Variants in CDH13 observed in about 807,000 individuals in gnomAD.
CDH13 encodes the protein cadherin-13.
Under a neutral mutation model 63.8 loss-of-function variants are expected in CDH13, and 24 were observed. The observed-to-expected ratio is 0.38, with a 90% CI of 0.27 to 0.53. The LOEUF (loss-of-function observed/expected upper bound fraction) is 0.53. CDH13 is among the 20% of genes least tolerant of loss of function. CDH13 has a pLI of 0.85. For missense variants in CDH13, 1,049 were observed against 903.1 expected (o/e 1.16, Z -2.07); for synonymous variants, 503 against 355.3 (o/e 1.42, Z -4.67).
At chr16:82,817,916 C>T (rs1217119920) in intron 1 of CDH13, among the ~76,000 whole-genome samples, 1 of 151,680 alleles carries the variant, frequency 6.6e-6, no homozygotes, top group Non-Finnish European at 1.5e-5. Flanking sequence ...CATACATGCA[C>T]ATATGCACAC....
intron 1 of CDH13, among the ~76,000 whole-genome samples, chr16:82,788,149 C>A (rs959871210): frequency 6.6e-6 from 1 of 152,164 alleles, no homozygotes; most frequent in Non-Finnish European, 1.5e-5. Context: ...AGGAATGCAT[C>A]TAGGAACCAA....
At chr16:83,446,424 T>A (rs1216893376) in intron 6 of CDH13, among the ~76,000 whole-genome samples, 1 of 152,194 alleles carries the variant, frequency 6.6e-6, no homozygotes, top group African/African-American at 2.4e-5. Flanking sequence ...AGTTGCTTAA[T>A]GAGATCGGTT....
intron 1 of CDH13, among the ~76,000 whole-genome samples, chr16:82,784,219 G>A (rs1162552454): frequency 5.3e-5 from 8 of 152,174 alleles, no homozygotes; most frequent in Non-Finnish European, 1.0e-4. Flanking sequence ...AGGCTGATGG[G>A]TGACCCTGCC....
At chr16:82,794,306 C>G (rs1192619446) in intron 1 of CDH13, among the ~76,000 whole-genome samples, 1 of 149,940 alleles carries the variant, frequency 6.7e-6, no homozygotes. Context: ...TAAATCCTCT[C>G]TACAAACTCG....
chr16:82,698,640 G>C (rs1436078784), intron 1 of CDH13, among the ~76,000 whole-genome samples: 1 of 152,234 alleles, frequency 6.6e-6, no homozygotes, highest in African/African-American at 2.4e-5. Context: ...TGATTTTCAA[G>C]CCTGTTCAGC....
intron 7 of CDH13, among the ~76,000 whole-genome samples, chr16:83,569,242 A>G (rs190965996): frequency 1.3e-5 from 2 of 152,118 alleles, no homozygotes; most frequent in Admixed American, 1.3e-4. Context: ...ACTCAGCTTA[A>G]ATGTCCCCAC....
chr16:83,326,641 G>A (rs1052289246), intron 5 of CDH13, among the ~76,000 whole-genome samples: 3 of 152,106 alleles, frequency 2.0e-5, no homozygotes, highest in Non-Finnish European at 4.4e-5. Context: ...CACAATCTAG[G>A]TGGTGGGTAG....
intron 2 of CDH13, among the ~76,000 whole-genome samples, chr16:82,987,146 A>G (rs927670960): frequency 1.3e-5 from 2 of 152,166 alleles, no homozygotes; most frequent in Non-Finnish European, 2.9e-5. Context: ...TTTTCCCAGA[A>G]GTAGCCTCCA....
At chr16:83,334,281 C>T (rs908889425) in intron 5 of CDH13, among the ~76,000 whole-genome samples, 3 of 151,088 alleles carry the variant, frequency 2.0e-5, no homozygotes, top group African/African-American at 4.9e-5. Flanking sequence ...TTTCTTCCTC[C>T]TTTCTCTCTC....
rs2073896059 is a variant in CDH13, at chr16:83,486,587, A to G, written c.892A>G (p.Met298Val). The G allele has an allele frequency of 1.9e-6, 3 of 1,613,918 alleles. No individual in the cohort carries two copies. The highest frequency in any genetic ancestry group is 2.2e-5 in the East Asian group (1 of 44,864). ...QQTPDKPSPN[M>V]FYIDPEKGDI... The stretch of plus-strand genomic sequence containing the variant: ...GACGCCTGACAAGCCATCTCCCAAC[A>G]TGTTCTACATCGATCCTGAGAAAGG... The change falls in exon 7 of 14, where the codon ATG becomes GTG. Residue 298 changes from methionine to valine, a missense_variant. Transcript: ENST00000567109.
chr16:82,773,877 G>C (rs529840540), intron 1 of CDH13, among the ~76,000 whole-genome samples: 1 of 151,522 alleles, frequency 6.6e-6, no homozygotes, highest in Non-Finnish European at 1.5e-5. Context: ...TCCGCCTCCC[G>C]GGTTCAAGCA....
In CDH13 at chr16:82,832,089, C is replaced by A. The variant is rs543306914; in HGVS notation, c.46-26273C>A. 7.9e-5 allele frequency among the ~76,000 whole-genome samples: 12 copies of A among 152,248 alleles called. No individual in the cohort carries two copies. In the South Asian group the frequency reaches 2.5e-3, roughly 32 times the overall value. On this transcript the variant is annotated intron_variant, in intron 1 of 13. Coordinates refer to ENST00000567109, the MANE Select transcript of CDH13 (RefSeq NM_001257.5). ...CTGTGTGACCCTTATCTTATAATTA[C>A]CTCTTCTTTAAAAGCAGAATGAAAT... is the stretch of plus-strand genomic sequence containing the variant.
intron 11 of CDH13, among the ~76,000 whole-genome samples, chr16:83,763,238 A>C (rs1914118471): frequency 6.6e-6 from 1 of 152,216 alleles, no homozygotes; most frequent in Non-Finnish European, 1.5e-5. Flanking sequence ...ATATAGAACC[A>C]GGCATAACAG....
chr16:83,276,578 G>T (rs758629295), intron 5 of CDH13, among the ~76,000 whole-genome samples: 1 of 152,146 alleles, frequency 6.6e-6, no homozygotes, highest in South Asian at 2.1e-4. Context: ...ACAAGAGCAT[G>T]TCACATCTTG....
rs375654008 is a variant in CDH13, at chr16:83,236,844, G to C, written c.636+19347G>C. On this transcript the variant is annotated intron_variant, in intron 5 of 13. Transcript: ENST00000567109. ...GGAAGGAGGGCCTACTTATAGGTCTGGGTTTCCCTTTGAAGTCATGGAAAT... is the reference window on the plus strand; with the variant it reads ...GGAAGGAGGGCCTACTTATAGGTCTCGGTTTCCCTTTGAAGTCATGGAAAT... Among the ~76,000 whole-genome samples the C allele has an allele frequency of 1.2e-3, 185 of 152,224 alleles. 1 individual carries two copies. Among genetic ancestry groups the C allele is most frequent in the African/African-American group, 4.2e-3 (175 of 41,542 alleles).
intron 1 of CDH13, among the ~76,000 whole-genome samples, chr16:82,718,605 A>T (rs1021564516): frequency 6.6e-6 from 1 of 152,200 alleles, no homozygotes; most frequent in African/African-American, 2.4e-5. Flanking sequence ...GGCAATTTAC[A>T]AAAGAGGTTT....
intron 7 of CDH13, among the ~76,000 whole-genome samples, chr16:83,569,052 C>G (rs1335104892): frequency 3.3e-5 from 5 of 152,122 alleles, no homozygotes; most frequent in Non-Finnish European, 5.9e-5. Context: ...TCCCAAACCA[C>G]TGTCTGGCCT....
At chr16:83,723,719 T>G (rs1013337044) in intron 10 of CDH13, among the ~76,000 whole-genome samples, 2 of 152,260 alleles carry the variant, frequency 1.3e-5, no homozygotes, top group African/African-American at 2.4e-5. Context: ...TCCCTTCCTC[T>G]TGTAGAACAG....
chr16:83,445,695 C>A (rs558414934), intron 6 of CDH13, among the ~76,000 whole-genome samples: 9 of 152,158 alleles, frequency 5.9e-5, no homozygotes, highest in Non-Finnish European at 1.2e-4. Context: ...ATGTTTTCAT[C>A]ACGTGGCTAA....
Sources: allele counts gnomAD v4.1 joint callset (sites outside exome capture counted in the v4.1 genomes callset), GRCh38; gene constraint gnomAD v4.1.1; transcripts MANE v1.5; gene names NCBI Gene and HGNC (gene_info 2026-07-23, HGNC 2026-07-21).